ITGB4: variants seen among roughly 807,000 people sequenced by gnomAD.
ITGB4 encodes the protein integrin subunit beta 4, also known as integrin beta-4.
In ITGB4, 159 loss-of-function variants were observed where a neutral mutation model predicts 207.6. The ratio of observed to expected loss-of-function variants is 0.77; its 90% CI spans 0.67 to 0.87. ITGB4 has a LOEUF of 0.87. ITGB4 is among the 40% of genes least tolerant of loss of function. The probability of loss-of-function intolerance (pLI) is 0.00; values close to 1 mark genes in which losing one functional copy is unlikely to be tolerated. For synonymous variants in ITGB4, 1,020 were observed against 1,062.7 expected (o/e 0.96, Z 0.78); for missense variants, 2,278 against 2,546.8 (o/e 0.89, Z 2.27).
At chr17:75,733,460 GT>G (rs1353619051) in intron 12 of ITGB4, 29 bp from the exon 13 acceptor site, 5 of 1,600,784 alleles carry the variant, frequency 3.1e-6, no homozygotes, top group Non-Finnish European at 4.3e-6. Flanking sequence ...CTCCTGGGCT[GT>G]TTCGGGGAAT....
rs201630581 is a variant in ITGB4, at chr17:75,756,490, C to A, written c.4770C>A (p.Leu1590=). ...PAQTSVVVED[L]LPNHSYVFRV... ...AGACCTCGGTGGTGGTGGAAGACCT[C>A]CTGCCCAACCACTCCTACGTGTTCC... The change falls in exon 36 of 40, where the codon CTC becomes CTA. Residue 1590 remains leucine, a synonymous_variant. Transcript: ENST00000200181. The A allele has an allele frequency of 5.6e-6, 9 of 1,613,304 alleles. No homozygotes were observed. Among genetic ancestry groups the A allele is most frequent in the Non-Finnish European group, 7.6e-6 (9 of 1,180,000 alleles).
At chr17:75,728,865 T>G (rs952801502) in intron 6 of ITGB4, among the ~76,000 whole-genome samples, 2 of 151,488 alleles carry the variant, frequency 1.3e-5, no homozygotes, top group Non-Finnish European at 2.9e-5. Flanking sequence ...GCACCGGTAG[T>G]CCCAGCTACT....
At chr17:75,749,076 G>T in intron 27 of ITGB4, 31 bp downstream of exon 27, 1 of 1,570,678 alleles carries the variant, frequency 6.4e-7, no homozygotes, top group Non-Finnish European at 8.7e-7. Context: ...GGCTTAAGCA[G>T]GAGGAGAGGG....
rs1389038657 is a variant in ITGB4 at position 75,722,561 on chromosome 17, A to C, written c.-11+949A>C. On this transcript the variant is annotated intron_variant, in intron 1 of 39. Transcript: ENST00000200181. The surrounding 1 kb of genome is among the most constrained non-coding windows in gnomAD (Gnocchi z 6.2). ...CTCGACCCTGATTTCTCAGGGAGAC[A>C]GAACAGCCAAGGGCCTGGGGTCCCC... 6.6e-6 allele frequency among the ~76,000 whole-genome samples: 1 copy of C among 152,182 alleles called. No homozygotes were observed.
Position 75,739,950 on chromosome 17 carries a change from C to T in ITGB4, c.2325C>T (p.Asp775=), listed in dbSNP as rs779797099. The part of the protein sequence containing the change: ...RENLMASDHL[D]TPMLRSGNLK... ...ACCTGATGGCCTCTGACCACTTGGA[C>T]ACGCCCATGCTGCGCAGCGGGAACC... is the stretch of plus-strand genomic sequence containing the variant. The change falls in exon 20 of 40, where the codon GAC becomes GAT. Residue 775 remains aspartate, a synonymous_variant. Transcript: ENST00000200181. This position sits in a 1 kb window ranked among gnomAD's most constrained non-coding sequence, Gnocchi z 5.4. 4 of 1,613,318 alleles carry T rather than the reference C, an allele frequency of 2.5e-6. No individual in the cohort carries two copies. The South Asian group carries it at 4.4e-5, about 18-fold the overall frequency.
rs201350965 is a variant in ITGB4, at chr17:75,736,640, C to T, written c.1936C>T (p.Arg646Cys). The T allele has an allele frequency of 1.8e-4, 284 of 1,600,640 alleles. No individual in the cohort carries two copies. Among genetic ancestry groups the T allele is most frequent in the Non-Finnish European group, 2.2e-4 (259 of 1,174,616 alleles). Residue 646 changes from arginine to cysteine, a missense_variant, in exon 16 of 40, where the codon CGC becomes TGC. Physicochemically the swap from Arg to Cys is radical, Grantham distance 180. Transcript: ENST00000200181. The stretch of plus-strand genomic sequence containing the variant: ...GTGGGGCACCGGCGAGAAGAAGGGG[C>T]GCACGTGTGAGGAATGCAACTTCAA... ...QAWGTGEKKG[R>C]TCEECNFKVK...
intron 34 of ITGB4, chr17:75,755,272 C>T: frequency 6.4e-7 from 1 of 1,551,384 alleles, no homozygotes; most frequent in Non-Finnish European, 8.8e-7. Flanking sequence ...GTCATCCAGC[C>T]ACCATAGCAG....
Position 75,743,859 on chromosome 17 carries a change from C to A in ITGB4, c.3109C>A (p.Arg1037=). ...ACAGGATGGCACCGCGCAGGGCAAC[C>A]GGGTGAGGCTGCGCCACAGGGTCGA... ...RTQDGTAQGN[R]DYIPVEGELL... Residue 1037 remains arginine, a splice_region_variant and synonymous_variant, in exon 26 of 40, where the codon CGG becomes AGG. Transcript: ENST00000200181. The A allele has an allele frequency of 6.3e-7, 1 of 1,583,076 alleles. No homozygotes were observed. The highest frequency in any genetic ancestry group is 1.3e-5 in the African/African-American group (1 of 74,174).
chr17:75,743,615 C>G, intron 25 of ITGB4, 98 bp from the exon 26 acceptor site: 6 of 1,551,870 alleles, frequency 3.9e-6, no homozygotes, highest in Non-Finnish European at 5.3e-6. Context: ...CAAGCGGACT[C>G]CTGGATTCTG....
chr17:75,736,591 ACGCTCCTG>A lies in ITGB4; in HGVS notation c.1890_1897del (p.Ser631AlafsTer16). ...TCCACCCGGGCCTCTGCGAGGACCT[ACGCTCCTG>A]CGTGCAGTGCCAGGCGTGGGGCACC... On this transcript the variant is annotated frameshift_variant, in exon 16 of 40. Coordinates refer to ENST00000200181, the MANE Select transcript of ITGB4 (RefSeq NM_000213.5). LOFTEE classifies it high-confidence loss of function. 6.2e-7 allele frequency: 1 copy of A among 1,602,158 alleles called. No homozygotes were observed. Among genetic ancestry groups the A allele is most frequent in the Non-Finnish European group, 8.5e-7 (1 of 1,174,926 alleles).
At position 75,736,588 on chromosome 17, in the gene ITGB4, C is replaced by T. The variant is rs140078827; in HGVS notation, c.1884C>T (p.Asp628=). ...AGATCCACCCGGGCCTCTGCGAGGA[C>T]CTACGCTCCTGCGTGCAGTGCCAGG... ...YSAIHPGLCE[D]LRSCVQCQAW... The change falls in exon 16 of 40, where the codon GAC becomes GAT. Residue 628 remains aspartate (D), a synonymous_variant. Coordinates refer to ENST00000200181, the MANE Select transcript of ITGB4 (RefSeq NM_000213.5). The T allele has an allele frequency of 7.8e-4, 1,256 of 1,601,902 alleles. 2 individuals are homozygous for T. Among genetic ancestry groups the T allele is most frequent in the Non-Finnish European group, 9.4e-4 (1,105 of 1,174,798 alleles).
At position 75,740,308 on chromosome 17, in the gene ITGB4, G is replaced by T; in HGVS notation, c.2447-50G>T. ...AGGGATGCTCTGTGGTGCCTGTCATGCAGGGGGCTGACCACCTCCATCTCA... is the reference window on the plus strand; with the variant it reads ...AGGGATGCTCTGTGGTGCCTGTCATTCAGGGGGCTGACCACCTCCATCTCA... On this transcript the variant is annotated intron_variant, in intron 20 of 39. Transcript: ENST00000200181. The surrounding 1 kb of genome is among the most constrained non-coding windows in gnomAD (Gnocchi z 5.9). The T allele has an allele frequency of 6.6e-7, 1 of 1,506,966 alleles. No homozygotes were observed. The highest frequency in any genetic ancestry group is 9.1e-7 in the Non-Finnish European group (1 of 1,092,950). The allele number at this position is 1,506,966 out of a possible 1,614,324, so 93.3% of individuals were successfully genotyped here.
chr17:75,756,677 C>T, intron 36 of ITGB4, 27 bp from the exon 37 acceptor site: 1 of 1,613,442 alleles, frequency 6.2e-7, no homozygotes, highest in South Asian at 1.1e-5. Flanking sequence ...CACCCACAGG[C>T]TGATGCTCTT....
chr17:75,756,554 C>G lies in ITGB4; in HGVS notation c.4834C>G (p.Arg1612Gly). ...AQSQEGWGRE[R>G]EGVITIESQV... ...GAGCCAGGAAGGCTGGGGCCGAGAG[C>G]GTGAGGGTGTCATCACCATTGAATC... is the stretch of plus-strand genomic sequence containing the variant. Residue 1612 changes from arginine (R) to glycine (G), a missense_variant, in exon 36 of 40, where the codon CGT becomes GGT. Arg to Gly is a moderately radical substitution (Grantham distance 125, BLOSUM62 -2). Coordinates refer to ENST00000200181, the MANE Select transcript of ITGB4 (RefSeq NM_000213.5). 1 of 1,613,190 alleles carries G rather than the reference C, an allele frequency of 6.2e-7. No homozygotes were observed. The highest frequency in any genetic ancestry group is 1.1e-5 in the South Asian group (1 of 91,088).
intron 1 of ITGB4, among the ~76,000 whole-genome samples, chr17:75,721,903 G>C (rs1213809180): frequency 2.0e-5 from 3 of 152,222 alleles, no homozygotes; most frequent in Non-Finnish European, 4.4e-5. Context: ...TCTGGGGCTG[G>C]GCCCCTCCAG....
At position 75,740,927 on chromosome 17, in the gene ITGB4, A is replaced by G. The variant is rs900079686; in HGVS notation, c.2610-55A>G. The G allele has an allele frequency of 1.1e-5, 17 of 1,613,458 alleles. No homozygotes were observed. The highest frequency in any genetic ancestry group is 1.4e-5 in the Non-Finnish European group (17 of 1,179,722). ...TCCAGGAGCCGAAGCCCCCAGGCCG[A>G]TCAGGCCTCCACTTCAGGGCTATCT... On this transcript the variant is annotated intron_variant, in intron 22 of 39. Coordinates refer to ENST00000200181, the MANE Select transcript of ITGB4 (RefSeq NM_000213.5). The surrounding 1 kb of genome is among the most constrained non-coding windows in gnomAD (Gnocchi z 5.9).
At position 75,729,158 on chromosome 17, in the gene ITGB4, CAAAAAA is replaced by C; in HGVS notation, c.567-95_567-90del. The C allele has an allele frequency of 3.8e-6, 3 of 788,486 alleles. No homozygotes were observed. Among genetic ancestry groups the C allele is most frequent in the Non-Finnish European group, 5.6e-6 (3 of 536,490 alleles). The allele number at this position is 788,486 out of a possible 1,614,324, so 48.8% of individuals were successfully genotyped here. A position where few individuals can be genotyped will look rare whatever the true frequency, so the allele number is the denominator to read the frequency against. On this transcript the variant is annotated intron_variant, in intron 6 of 39. Coordinates refer to ENST00000200181, the MANE Select transcript of ITGB4 (RefSeq NM_000213.5). The surrounding 1 kb of genome is among the most constrained non-coding windows in gnomAD (Gnocchi z 4.4). ...TGGGTGATAAAGCGAGACTTGGTCT[CAAAAAA>C]AAAAAAAAAAATTCTCCTTCTAGTT...
In ITGB4 at chr17:75,742,826, T is replaced by A; in HGVS notation, c.2962+65T>A. On this transcript the variant is annotated intron_variant, in intron 25 of 39. Coordinates refer to ENST00000200181, the MANE Select transcript of ITGB4 (RefSeq NM_000213.5). This position sits in a 1 kb window ranked among gnomAD's most constrained non-coding sequence, Gnocchi z 5.9. ...CTCGGGGGCACTGGTTCCTCCTGCT[T>A]AAGTGGAATTGCGACCTGGCCACGT... The A allele has an allele frequency of 6.7e-7, 1 of 1,490,896 alleles. No homozygotes were observed. Among genetic ancestry groups the A allele is most frequent in the Non-Finnish European group, 9.1e-7 (1 of 1,100,484 alleles). The allele number at this position is 1,490,896 out of a possible 1,614,324, so 92.4% of individuals were successfully genotyped here. A position where few individuals can be genotyped will look rare whatever the true frequency, so the allele number is the denominator to read the frequency against.
Position 75,737,634 on chromosome 17 carries a change from C to T in ITGB4, c.2210C>T (p.Ala737Val). 2 of 1,613,008 alleles carry T rather than the reference C, an allele frequency of 1.2e-6. No individual in the cohort carries two copies. Among genetic ancestry groups the T allele is most frequent in the Non-Finnish European group, 1.7e-6 (2 of 1,179,800 alleles). ...LLLLLCWKYCACCKACLALLP... is the reference protein window; with the variant it reads ...LLLLLCWKYCVCCKACLALLP... ...CTGCTGCTATGCTGGAAGTACTGTG[C>T]CTGCTGCAAGGTGAGCACCCAGGGT... is the stretch of plus-strand genomic sequence containing the variant. The change falls in exon 18 of 40, where the codon GCC becomes GTC. Residue 737 changes from alanine (A) to valine (V), a missense_variant. Physicochemically the swap from Ala to Val is moderately conservative, Grantham distance 64. Transcript: ENST00000200181.
Sources: allele counts gnomAD v4.1 joint callset (sites outside exome capture counted in the v4.1 genomes callset), GRCh38; gene constraint gnomAD v4.1.1; non-coding constraint Gnocchi (gnomAD v3.1); transcripts MANE v1.5; gene names NCBI Gene and HGNC (gene_info 2026-07-23, HGNC 2026-07-21).